Variants in CLVS1 observed in about 807,000 individuals in gnomAD.
CLVS1 encodes the protein clavesin-1.
A neutral mutation model predicts 33.1 loss-of-function variants in CLVS1; 10 were observed. That is an observed-to-expected ratio of 0.30 (90% CI 0.19 to 0.51). The LOEUF is 0.51. CLVS1 is among the 20% of genes least tolerant of loss of function. The pLI is 0.97. For synonymous variants in CLVS1, 163 were observed against 166.1 expected (o/e 0.98, Z 0.14); for missense variants, 343 against 433.4 (o/e 0.79, Z 1.85).
intron 2 of CLVS1, among the ~76,000 whole-genome samples, chr8:61,168,758 T>TG (rs1806931519): frequency 1.3e-5 from 2 of 152,174 alleles, no homozygotes; most frequent in African/African-American, 4.8e-5. Flanking sequence ...GAGAAATCAT[T>TG]GTGATGGCTT....
the CLVS1 span, among the ~76,000 whole-genome samples, chr8:60,993,903 A>T: frequency 1.3e-5 from 2 of 152,028 alleles, no homozygotes; most frequent in Non-Finnish European, 2.9e-5. Flanking sequence ...ATGTGTTTTT[A>T]TTCTTTCTCT....
intron 2 of CLVS1, among the ~76,000 whole-genome samples, chr8:61,239,007 A>G (rs929408580): frequency 3.3e-5 from 5 of 152,206 alleles, no homozygotes; most frequent in Admixed American, 2.0e-4. Context: ...ACACTCCAGC[A>G]CTTCCAGCAG....
chr8:61,224,492 G>A (rs1321745572), intron 2 of CLVS1, among the ~76,000 whole-genome samples: 6 of 152,104 alleles, frequency 3.9e-5, no homozygotes, highest in Admixed American at 2.0e-4. Flanking sequence ...ATTCACTTCC[G>A]TGTCTGGAGA....
intron 1 of CLVS1, among the ~76,000 whole-genome samples, chr8:61,092,882 G>T (rs1314950124): frequency 6.6e-6 from 1 of 152,090 alleles, no homozygotes; most frequent in Non-Finnish European, 1.5e-5. Context: ...CCATTATTCT[G>T]CTTCCCAAGT....
chr8:61,438,329 C>G (rs897867937), intron 3 of CLVS1, among the ~76,000 whole-genome samples: 1 of 152,158 alleles, frequency 6.6e-6, no homozygotes, highest in Non-Finnish European at 1.5e-5. Context: ...ACTTCCACCT[C>G]CATCCATGTC....
intron 2 of CLVS1, among the ~76,000 whole-genome samples, chr8:61,262,778 C>T (rs189206107): frequency 6.6e-6 from 1 of 152,188 alleles, no homozygotes; most frequent in East Asian, 1.9e-4. Context: ...TCAGGATGCT[C>T]CCACCCTCCC....
chr8:61,095,453 A>G (rs1805335912), intron 1 of CLVS1, among the ~76,000 whole-genome samples: 1 of 152,162 alleles, frequency 6.6e-6, no homozygotes, highest in South Asian at 2.1e-4. Context: ...CTGGGGCAGG[A>G]AAGTCCACAC....
chr8:61,425,438 A>T (rs932209038), intron 3 of CLVS1, among the ~76,000 whole-genome samples: 2 of 152,196 alleles, frequency 1.3e-5, no homozygotes, highest in Admixed American at 1.3e-4. Context: ...TTTTAAAAAA[A>T]ATAAGTTTTA....
At chr8:61,055,982 G>C (rs1366932979), upstream of CLVS1, among the ~76,000 whole-genome samples, 1 of 152,194 alleles carries the variant, frequency 6.6e-6, no homozygotes, top group Non-Finnish European at 1.5e-5. Context: ...CTGGTTGGCT[G>C]GGGGGAGAAA....
Position 61,298,500 on chromosome 8 carries a change from T to A in CLVS1, c.-151-1177T>A, listed in dbSNP as rs182767219. Among the ~76,000 whole-genome samples the A allele has an allele frequency of 2.0e-5, 3 of 152,298 alleles. No individual in the cohort carries two copies. In the East Asian group the frequency reaches 5.8e-4, roughly 29 times the overall value. On this transcript the variant is annotated intron_variant, in intron 1 of 5. Coordinates refer to ENST00000325897, the MANE Select transcript of CLVS1 (RefSeq NM_173519.3). ...AAAGTAGAAATATGTGAGATGATTG[T>A]CTCTCTTAAGAAATTACTGTTAGTC...
chr8:61,093,495 C>A (rs1479740160), intron 1 of CLVS1, among the ~76,000 whole-genome samples: 1 of 152,118 alleles, frequency 6.6e-6, no homozygotes, highest in African/African-American at 2.4e-5. Flanking sequence ...TACAAAAAAA[C>A]CCCAAAAGTC....
intron 2 of CLVS1, among the ~76,000 whole-genome samples, chr8:61,219,336 C>T (rs1394949082): frequency 6.6e-6 from 1 of 152,072 alleles, no homozygotes; most frequent in African/African-American, 2.4e-5. Flanking sequence ...ATGTGTTGTT[C>T]TCGTCTCTGT....
At chr8:61,008,867 G>C in the CLVS1 span, among the ~76,000 whole-genome samples, 1 of 152,126 alleles carries the variant, frequency 6.6e-6, no homozygotes, top group African/African-American at 2.4e-5. Flanking sequence ...AAGTATCTTG[G>C]CCTAGTAAAA....
At chr8:61,330,795 T>C (rs1029737782) in intron 2 of CLVS1, among the ~76,000 whole-genome samples, 9 of 152,146 alleles carry the variant, frequency 5.9e-5, no homozygotes, top group Admixed American at 2.6e-4. Flanking sequence ...TTGAAAAACA[T>C]TGTGTGGTGC....
chr8:61,253,364 C>T (rs1046503868), intron 2 of CLVS1, among the ~76,000 whole-genome samples: 6 of 152,104 alleles, frequency 3.9e-5, no homozygotes, highest in Non-Finnish European at 7.4e-5. Flanking sequence ...TTTTTTCCTT[C>T]ATTTCAACTT....
At chr8:61,212,686 A>G (rs2129307644) in intron 2 of CLVS1, among the ~76,000 whole-genome samples, 1 of 152,308 alleles carries the variant, frequency 6.6e-6, no homozygotes, top group East Asian at 1.9e-4. Context: ...AGACAGAGCT[A>G]AAATTCCTTA....
intron 2 of CLVS1, among the ~76,000 whole-genome samples, chr8:61,353,471 G>A (rs1812557421): frequency 6.6e-6 from 1 of 151,574 alleles, no homozygotes; most frequent in African/African-American, 2.4e-5. Flanking sequence ...AAGCCTCAAA[G>A]GAAAATTTAC....
At chr8:61,198,218 C>T (rs1807656316) in intron 2 of CLVS1, among the ~76,000 whole-genome samples, 1 of 152,148 alleles carries the variant, frequency 6.6e-6, no homozygotes, top group African/African-American at 2.4e-5. Context: ...ATACAACCCA[C>T]AATTATGCTC....
chr8:61,147,134 A>G (rs543925993), intron 2 of CLVS1, among the ~76,000 whole-genome samples: 1 of 152,316 alleles, frequency 6.6e-6, no homozygotes, highest in South Asian at 2.1e-4. Flanking sequence ...GAGCAGGTGA[A>G]CAGACTGGGC....
Sources: gnomAD v4.1 joint callset for allele counts (sites outside exome capture counted in the v4.1 genomes callset) on GRCh38, gnomAD v4.1.1 for gene constraint, MANE v1.5 for transcripts, NCBI Gene and HGNC (gene_info 2026-07-23, HGNC 2026-07-21) for gene names.